The following INPP4B variants were observed in gnomAD, a reference collection of about 807,000 sequenced individuals.
INPP4B encodes inositol polyphosphate 4-phosphatase type II.
A neutral mutation model predicts 122.5 loss-of-function variants in INPP4B; 55 were observed. The observed-to-expected ratio is 0.45, with a 90% confidence interval of 0.36 to 0.56. The LOEUF (loss-of-function observed/expected upper bound fraction) is 0.56. Among genes scored for constraint, INPP4B ranks in the 20% least tolerant of loss-of-function variants. The pLI is 0.00. For synonymous variants in INPP4B, 403 were observed against 388.7 expected (o/e 1.04, Z -0.43); for missense variants, 1,000 against 1,097.7 (o/e 0.91, Z 1.26).
chr4:142,460,924 A>T (rs1205066123), intron 3 of INPP4B, among the ~76,000 whole-genome samples: 4 of 149,196 alleles, frequency 2.7e-5, no homozygotes, highest in Non-Finnish European at 6.0e-5. Flanking sequence ...CACACCTATA[A>T]TTCCAGCACT....
In INPP4B at chr4:142,720,220, G is replaced by T. The variant is rs189106913; in HGVS notation, c.-191+5619C>A. 4.3e-3 allele frequency among the ~76,000 whole-genome samples: 647 copies of T among 151,894 alleles called. 8 individuals carry two copies. Among genetic ancestry groups the T allele is most frequent in the South Asian group, 8.5e-3 (41 of 4,810 alleles). Reference sequence around the variant, plus strand: ...ATGCCTGCACTCCTACTCTTTGTACGGCAAAAAAAATAGTTCTTAAACTTT... The same window carrying T: ...ATGCCTGCACTCCTACTCTTTGTACTGCAAAAAAAATAGTTCTTAAACTTT... On this transcript the variant is annotated intron_variant, in intron 2 of 25. Transcript: ENST00000262992.
intron 11 of INPP4B, among the ~76,000 whole-genome samples, chr4:142,254,784 G>T (rs1734740587): frequency 6.6e-6 from 1 of 152,182 alleles, no homozygotes; most frequent in African/African-American, 2.4e-5. Flanking sequence ...CACTCTGCAG[G>T]ATATTATCCA....
intron 7 of INPP4B, among the ~76,000 whole-genome samples, chr4:142,316,233 A>G (rs1378011116): frequency 5.3e-5 from 8 of 152,208 alleles, no homozygotes; most frequent in African/African-American, 1.9e-4. Flanking sequence ...TGTAGAACAC[A>G]CTCAACTCTT....
intron 2 of INPP4B, among the ~76,000 whole-genome samples, chr4:142,518,475 C>T (rs759862318): frequency 8.5e-5 from 13 of 152,092 alleles, no homozygotes; most frequent in Non-Finnish European, 1.6e-4. Flanking sequence ...AAATTATATA[C>T]ATGCTATGTC....
chr4:142,350,443 C>A (rs1781604365), intron 7 of INPP4B, among the ~76,000 whole-genome samples: 1 of 151,964 alleles, frequency 6.6e-6, no homozygotes, highest in Non-Finnish European at 1.5e-5. Flanking sequence ...AGACCTACAT[C>A]AGTTTTCCTT....
rs1005179548 is a variant in INPP4B, at chr4:142,235,848, T to A, written c.836+2016A>T. Reference sequence around the variant, plus strand: ...TACATGTGATATTTTGATATTTGTATATGATGTGTAAATCACAGTAAATGG... The same window carrying A: ...TACATGTGATATTTTGATATTTGTAAATGATGTGTAAATCACAGTAAATGG... On this transcript the variant is annotated intron_variant, in intron 12 of 25. Coordinates refer to ENST00000262992, the MANE Select transcript of INPP4B (RefSeq NM_001101669.3). Among the ~76,000 whole-genome samples, 4 of 152,264 alleles carry A rather than the reference T, an allele frequency of 2.6e-5. No homozygotes were observed. The East Asian group carries it at 7.7e-4, about 29-fold the overall frequency.
At chr4:142,622,918 C>A (rs760358855) in intron 2 of INPP4B, among the ~76,000 whole-genome samples, 11 of 151,878 alleles carry the variant, frequency 7.2e-5, no homozygotes, top group Non-Finnish European at 1.6e-4. Flanking sequence ...CACTGTGCAA[C>A]CTTCACCTCA....
intron 2 of INPP4B, among the ~76,000 whole-genome samples, chr4:142,663,083 A>C (rs1233215344): frequency 6.6e-6 from 1 of 152,228 alleles, no homozygotes; most frequent in Non-Finnish European, 1.5e-5. Flanking sequence ...TTAATTTACC[A>C]ACTGAGAAAT....
intron 9 of INPP4B, among the ~76,000 whole-genome samples, chr4:142,290,247 C>T (rs1204665598): frequency 8.5e-6 from 1 of 117,710 alleles, no homozygotes; most frequent in Non-Finnish European, 1.6e-5. Flanking sequence ...CACTCTGTTG[C>T]CCAGGCTGGA....
intron 24 of INPP4B, among the ~76,000 whole-genome samples, chr4:142,085,030 T>G (rs934287049): frequency 6.6e-6 from 1 of 152,192 alleles, no homozygotes. Flanking sequence ...ACAACCTTCA[T>G]GTAATACAGT....
At chr4:142,833,154 G>A (rs145780516) in intron 1 of INPP4B, among the ~76,000 whole-genome samples, 80 of 151,886 alleles carry the variant, frequency 5.3e-4, no homozygotes, top group African/African-American at 1.7e-3. Context: ...AGGGAATGGC[G>A]GAGACCATGA....
At chr4:142,427,858 G>A (rs189164007) in intron 5 of INPP4B, among the ~76,000 whole-genome samples, 6 of 151,944 alleles carry the variant, frequency 3.9e-5, no homozygotes, top group Non-Finnish European at 7.4e-5. Context: ...AGAGTGCCTA[G>A]CCTTTCTTTT....
chr4:142,383,024 T>C (rs67440355), intron 7 of INPP4B, among the ~76,000 whole-genome samples: 29,660 of 151,964 alleles, frequency 0.2, 3,759 homozygotes, highest in African/African-American at 0.36. Context: ...AGTGTGGCCA[T>C]GAGATTTATT....
chr4:142,573,192 C>T (rs1733187072), intron 2 of INPP4B, among the ~76,000 whole-genome samples: 1 of 151,958 alleles, frequency 6.6e-6, no homozygotes, highest in Non-Finnish European at 1.5e-5. Flanking sequence ...ACAACCAGAT[C>T]TCGCTATCAC....
intron 2 of INPP4B, among the ~76,000 whole-genome samples, chr4:142,604,423 G>C (rs1021653812): frequency 6.6e-6 from 1 of 152,032 alleles, no homozygotes; most frequent in African/African-American, 2.4e-5. Context: ...AATTGGAAAA[G>C]AGGAAGTTAA....
rs1490524806 is a variant in INPP4B, at chr4:142,601,646, T to C, written c.-191+124193A>G. ...AACCTAATGATGCACCTCAAGGAAT[T>C]AGAAAAACAAAAACAAAACAAATTC... On this transcript the variant is annotated intron_variant, in intron 2 of 25. Transcript: ENST00000262992. 2.7e-5 allele frequency among the ~76,000 whole-genome samples: 4 copies of C among 148,666 alleles called. No homozygotes were observed. In the East Asian group the frequency reaches 7.9e-4, roughly 29 times the overall value.
intron 23 of INPP4B, among the ~76,000 whole-genome samples, chr4:142,106,384 T>C (rs2152678388): frequency 6.6e-6 from 1 of 152,204 alleles, no homozygotes; most frequent in African/African-American, 2.4e-5. Flanking sequence ...GCTCAAGCCA[T>C]ACTCCCACCC....
intron 2 of INPP4B, among the ~76,000 whole-genome samples, chr4:142,565,009 C>T (rs1731323253): frequency 6.6e-6 from 1 of 152,120 alleles, no homozygotes. Context: ...AATCCAAACA[C>T]ACACTTCGCA....
chr4:142,202,679 T>C (rs1353384556), intron 14 of INPP4B: 2 of 940,152 alleles, frequency 2.1e-6, no homozygotes, highest in Admixed American at 6.2e-5. Context: ...TGATTTCACC[T>C]ACAGCTTTAT....
Sources: gnomAD v4.1 joint callset for allele counts (sites outside exome capture counted in the v4.1 genomes callset) on GRCh38, gnomAD v4.1.1 for gene constraint, MANE v1.5 for transcripts, NCBI Gene and HGNC (gene_info 2026-07-23, HGNC 2026-07-21) for gene names.